NAV1: variants seen among roughly 807,000 people sequenced by gnomAD.
NAV1 encodes pore membrane and/or filament interacting like protein 3.
A neutral mutation model predicts 175.2 loss-of-function variants in NAV1; 18 were observed. That is an observed-to-expected ratio of 0.10 (90% CI 0.07 to 0.15). The LOEUF (loss-of-function observed/expected upper bound fraction) is 0.15, where lower values mean the gene tolerates loss of function less well. Ranked by LOEUF, NAV1 falls within the 10% of genes least tolerant of loss-of-function variation. The probability of loss-of-function intolerance (pLI) is 1.00; values close to 1 mark genes in which losing one functional copy is unlikely to be tolerated. For missense variants in NAV1, 1,731 were observed against 2,436.6 expected (o/e 0.71, Z 6.10); for synonymous variants, 897 against 978.7 (o/e 0.92, Z 1.56).
chr1:201,687,220 T>C (rs1461348412), intron 1 of NAV1, among the ~76,000 whole-genome samples: 1 of 152,238 alleles, frequency 6.6e-6, no homozygotes. Context: ...TAGGCAGCTA[T>C]AGGAGTGTTT....
Position 201,701,746 on chromosome 1 carries a change from A to G in NAV1, c.758-11071A>G, listed in dbSNP as rs536032066. Among the ~76,000 whole-genome samples, 124 of 152,356 alleles carry G rather than the reference A, an allele frequency of 8.1e-4. 1 individual carries two copies. The highest frequency in any genetic ancestry group is 2.9e-3 in the African/African-American group (122 of 41,578). On this transcript the variant is annotated intron_variant, in intron 1 of 29. Transcript: ENST00000367296. ...GAGACAATGACAAGTGTCAGTGAAG[A>G]TATGGAGAAATTGGAACTCTCATAT... is the stretch of plus-strand genomic sequence containing the variant.
intron 1 of NAV1, among the ~76,000 whole-genome samples, chr1:201,697,577 C>A (rs776357317): frequency 6.6e-5 from 10 of 152,338 alleles, no homozygotes; most frequent in Non-Finnish European, 2.9e-5. Context: ...TATTCCAGTG[C>A]GCCTCAGTCT....
intron 1 of NAV1, among the ~76,000 whole-genome samples, chr1:201,570,663 A>ACCAGGG (rs1182799984): frequency 4.6e-5 from 7 of 152,132 alleles, no homozygotes; most frequent in East Asian, 1.9e-4. Flanking sequence ...GAGGGCTACG[A>ACCAGGG]CCAGGGCCAG....
chr1:201,642,529 C>T (rs1442991079), intron 2 of NAV1, among the ~76,000 whole-genome samples: 1 of 99,190 alleles, frequency 1.0e-5, no homozygotes, highest in East Asian at 2.2e-4. Context: ...TTCTTTTTTT[C>T]TTTCTTTCTT....
chr1:201,545,761 G>C (rs57370366), intron 1 of NAV1, among the ~76,000 whole-genome samples: 3,421 of 152,292 alleles, frequency 0.022, 120 homozygotes, highest in African/African-American at 0.078. Context: ...TTTGTAGATT[G>C]CCCCTGAAAA....
intron 1 of NAV1, among the ~76,000 whole-genome samples, chr1:201,709,181 CT>C (rs1296281093): frequency 1.3e-5 from 2 of 149,970 alleles, no homozygotes; most frequent in Non-Finnish European, 3.0e-5. Context: ...TTTTAGGTTA[CT>C]TTTCTCATTA....
exon 30 of NAV1, chr1:201,820,294 A>C (rs1679308891): frequency 1.2e-5 from 2 of 168,464 alleles, no homozygotes; most frequent in Non-Finnish European, 2.6e-5. Context: ...AGCAGTTCCT[A>C]AATGATTCTC....
intron 2 of NAV1, among the ~76,000 whole-genome samples, chr1:201,592,685 G>A (rs946525123): frequency 6.6e-6 from 1 of 152,112 alleles, no homozygotes; most frequent in African/African-American, 2.4e-5. Flanking sequence ...TACATAGAGA[G>A]TGGCAAGGAG....
upstream of NAV1, among the ~76,000 whole-genome samples, chr1:201,618,447 G>A (rs1485458239): frequency 6.6e-6 from 1 of 152,142 alleles, no homozygotes; most frequent in Non-Finnish European, 1.5e-5. Flanking sequence ...CCCAAGAGCT[G>A]CCTATGACTG....
intron 1 of NAV1, among the ~76,000 whole-genome samples, chr1:201,704,749 G>T (rs968122241): frequency 2.6e-5 from 4 of 152,220 alleles, no homozygotes; most frequent in Admixed American, 6.5e-5. Flanking sequence ...CAGAAGCTCT[G>T]GGGGGTGACA....
intron 15 of NAV1, among the ~76,000 whole-genome samples, chr1:201,800,573 A>C (rs1429620663): frequency 6.6e-6 from 1 of 152,186 alleles, no homozygotes; most frequent in Non-Finnish European, 1.5e-5. Context: ...AATATTTACT[A>C]TCTGGCCCTT....
intron 1 of NAV1, among the ~76,000 whole-genome samples, chr1:201,572,462 C>A (rs58753953): frequency 0.13 from 19,661 of 150,782 alleles, 1,321 homozygotes; most frequent in Admixed American, 0.15. Flanking sequence ...TCCACCTCCC[C>A]GGTTCAAGCA....
At chr1:201,755,619 C>T (rs144193134) in intron 3 of NAV1, among the ~76,000 whole-genome samples, 49 of 152,274 alleles carry the variant, frequency 3.2e-4, no homozygotes, top group African/African-American at 1.0e-3. Context: ...GGAAAACTTG[C>T]ATTCTTAGTT....
At chr1:201,633,997 G>A (rs1432754704) in intron 2 of NAV1, among the ~76,000 whole-genome samples, 1 of 152,170 alleles carries the variant, frequency 6.6e-6, no homozygotes, top group South Asian at 2.1e-4. Context: ...ACTTACCGTG[G>A]CTTACTGTGA....
At chr1:201,815,032 T>C (rs1353784936) in intron 28 of NAV1, among the ~76,000 whole-genome samples, 40 of 136,210 alleles carry the variant, frequency 2.9e-4, no homozygotes, top group Non-Finnish European at 1.2e-4. Context: ...AGAGGGAGAC[T>C]CTGTCTCAAA....
chr1:201,623,713 A>G, intron 1 of NAV1, 107 bp downstream of exon 3: 1 of 964,508 alleles, frequency 1.0e-6, no homozygotes, highest in Non-Finnish European at 1.2e-6. Flanking sequence ...GGTAAAGACC[A>G]GAGGGCCCCA....
chr1:201,665,585 A>ATAGGTGGGCAGATAGCACC (rs1558049625), intron 1 of NAV1, among the ~76,000 whole-genome samples: 12 of 105,484 alleles, frequency 1.1e-4, no homozygotes, highest in African/African-American at 3.4e-4. Flanking sequence ...GGGCAAGAGC[A>ATAGGTGGGCAGATAGCACC]CCCCACCCCC....
At chr1:201,571,709 T>A (rs770413638) in intron 1 of NAV1, among the ~76,000 whole-genome samples, 1 of 152,246 alleles carries the variant, frequency 6.6e-6, no homozygotes, top group Non-Finnish European at 1.5e-5. Flanking sequence ...ATGACCTTTT[T>A]TTCTTTTGCA....
chr1:201,761,587 G>A (rs1438071822), intron 3 of NAV1, among the ~76,000 whole-genome samples: 11 of 152,168 alleles, frequency 7.2e-5, no homozygotes, highest in Non-Finnish European at 1.5e-5. Flanking sequence ...GTTTAATAAA[G>A]TAGACTTTTA....
Sources: gnomAD v4.1 joint callset for allele counts (sites outside exome capture counted in the v4.1 genomes callset) on GRCh38, gnomAD v4.1.1 for gene constraint, MANE v1.5 for transcripts, NCBI Gene and HGNC (gene_info 2026-07-23, HGNC 2026-07-21) for gene names.